ADRA1A: variants seen among roughly 807,000 people sequenced by gnomAD.
The protein encoded by ADRA1A is adrenoceptor alpha 1A.
A neutral mutation model predicts 29.6 loss-of-function variants in ADRA1A; 31 were observed. That is an observed-to-expected ratio of 1.05 (90% CI 0.79 to 1.41). ADRA1A has a LOEUF of 1.41. ADRA1A is among the 40% of genes most tolerant of loss of function. ADRA1A has a pLI of 0.00. For synonymous variants in ADRA1A, 311 were observed against 254.3 expected (o/e 1.22, Z -2.12); for missense variants, 619 against 601.1 (o/e 1.03, Z -0.31).
At chr8:26,801,322 G>A (rs1202344652) in intron 2 of ADRA1A, among the ~76,000 whole-genome samples, 2 of 152,038 alleles carry the variant, frequency 1.3e-5, no homozygotes, top group Non-Finnish European at 2.9e-5. Flanking sequence ...AAATTGGAAA[G>A]GAAGAAGTCA....
At chr8:26,828,132 G>C (rs942815443) in intron 2 of ADRA1A, among the ~76,000 whole-genome samples, 1 of 152,202 alleles carries the variant, frequency 6.6e-6, no homozygotes, top group African/African-American at 2.4e-5. Flanking sequence ...GAGCTCAAGC[G>C]ATCTACCTAC....
Position 26,775,006 on chromosome 8 carries a change from A to G in ADRA1A, c.884-4340T>C, listed in dbSNP as rs945959877. ...CTGGCCTCCAGCCATCAGGACCTAG[A>G]GGGTCAGGGCTGAACCAGCCTGGTT... On this transcript the variant is annotated intron_variant, in intron 2 of 2. Coordinates refer to ENST00000380573, the MANE Select transcript of ADRA1A (RefSeq NM_000680.4). The surrounding 1 kb of genome is among the most constrained non-coding windows in gnomAD (Gnocchi z 4.1). 3.3e-5 allele frequency among the ~76,000 whole-genome samples: 5 copies of G among 152,184 alleles called. No individual in the cohort carries two copies. The highest frequency in any genetic ancestry group is 2.0e-4 in the Admixed American group (3 of 15,272).
intron 2 of ADRA1A, among the ~76,000 whole-genome samples, chr8:26,858,875 T>C (rs1813235206): frequency 6.6e-6 from 1 of 152,164 alleles, no homozygotes; most frequent in South Asian, 2.1e-4. Context: ...ATTAGCAAGA[T>C]TTAGACTTGG....
At chr8:26,856,227 G>A (rs910760998) in intron 2 of ADRA1A, among the ~76,000 whole-genome samples, 1 of 152,206 alleles carries the variant, frequency 6.6e-6, no homozygotes, top group African/African-American at 2.4e-5. Flanking sequence ...GACAAAAGAG[G>A]CATTCCAGAA....
downstream of ADRA1A, among the ~76,000 whole-genome samples, chr8:26,766,662 G>C (rs1044844288): frequency 6.6e-6 from 1 of 152,154 alleles, no homozygotes; most frequent in Non-Finnish European, 1.5e-5. Flanking sequence ...CTTGAGGAAG[G>C]GGGGCTATGG....
intron 2 of ADRA1A, among the ~76,000 whole-genome samples, chr8:26,818,725 G>A (rs1190961755): frequency 6.6e-6 from 1 of 152,016 alleles, no homozygotes; most frequent in Non-Finnish European, 1.5e-5. Context: ...CAGCAGACTT[G>A]ATCAAGGAGA....
intron 2 of ADRA1A, among the ~76,000 whole-genome samples, chr8:26,792,450 T>G (rs1807903302): frequency 6.6e-6 from 1 of 151,922 alleles, no homozygotes; most frequent in African/African-American, 2.4e-5. Flanking sequence ...TTGATAGATG[T>G]AGAAAGACAT....
At chr8:26,850,052 A>C (rs370330911) in intron 2 of ADRA1A, among the ~76,000 whole-genome samples, 2 of 73,828 alleles carry the variant, frequency 2.7e-5, no homozygotes, top group African/African-American at 1.6e-4. Context: ...AAACAAAAAA[A>C]AAACAGGGCA....
downstream of ADRA1A, among the ~76,000 whole-genome samples, chr8:26,752,041 A>T (rs892206340): frequency 7.2e-5 from 11 of 152,104 alleles, no homozygotes; most frequent in African/African-American, 2.4e-4. Flanking sequence ...CACCACAAAA[A>T]TTGACAAAAT....
At chr8:26,790,956 T>C (rs1305129294) in intron 2 of ADRA1A, among the ~76,000 whole-genome samples, 1 of 152,122 alleles carries the variant, frequency 6.6e-6, no homozygotes, top group Non-Finnish European at 1.5e-5. Flanking sequence ...CCACAATTGG[T>C]ATGCCTCCCA....
intron 2 of ADRA1A, among the ~76,000 whole-genome samples, chr8:26,749,654 T>C (rs781750597): frequency 6.6e-6 from 1 of 152,204 alleles, no homozygotes; most frequent in African/African-American, 2.4e-5. Flanking sequence ...AGGAAGACTG[T>C]CTGCTTTTCT....
intron 2 of ADRA1A, among the ~76,000 whole-genome samples, chr8:26,785,757 G>A (rs1254128116): frequency 3.9e-5 from 6 of 152,154 alleles, no homozygotes; most frequent in Non-Finnish European, 2.9e-5. Flanking sequence ...CAGGGTTAAT[G>A]TGTTCAAAAT....
chr8:26,752,752 T>C (rs138125935), downstream of ADRA1A, among the ~76,000 whole-genome samples: 810 of 152,334 alleles, frequency 5.3e-3, 9 homozygotes, highest in African/African-American at 0.018. Flanking sequence ...ATGCTCAGCT[T>C]TGTGGATAGT....
chr8:26,779,432 T>C (rs1563246225), intron 2 of ADRA1A: 1 of 702,158 alleles, frequency 1.4e-6, no homozygotes, highest in Non-Finnish European at 2.6e-6. Context: ...TTTCCTCATC[T>C]GTAAAAGTAA....
At chr8:26,861,428 A>G (rs1813458015) in intron 2 of ADRA1A, among the ~76,000 whole-genome samples, 1 of 150,168 alleles carries the variant, frequency 6.7e-6, no homozygotes, top group Non-Finnish European at 1.5e-5. Context: ...CAGCCTCCCA[A>G]ATAGCTGGGA....
At chr8:26,780,957 T>C (rs60421462) in intron 2 of ADRA1A, among the ~76,000 whole-genome samples, 14,176 of 152,200 alleles carry the variant, frequency 0.093, 976 homozygotes, top group East Asian at 0.33. Flanking sequence ...GATTCTACAT[T>C]ATGGTGAGTT....
At chr8:26,818,287 A>C (rs1054038528) in intron 2 of ADRA1A, among the ~76,000 whole-genome samples, 2 of 152,214 alleles carry the variant, frequency 1.3e-5, no homozygotes, top group African/African-American at 2.4e-5. Flanking sequence ...AGAACTGGAC[A>C]CTACAAAGAT....
chr8:26,784,752 G>C (rs2130378261), intron 2 of ADRA1A, among the ~76,000 whole-genome samples: 1 of 152,224 alleles, frequency 6.6e-6, no homozygotes, highest in Middle Eastern at 3.4e-3. Context: ...TTTTCATAAG[G>C]CTTATACTAT....
chr8:26,819,827 A>G (rs1364951576), intron 2 of ADRA1A, among the ~76,000 whole-genome samples: 2 of 152,188 alleles, frequency 1.3e-5, no homozygotes, highest in East Asian at 3.8e-4. Flanking sequence ...GAATGGGTTT[A>G]AAAAACAAGA....
Sources: allele counts gnomAD v4.1 joint callset (sites outside exome capture counted in the v4.1 genomes callset), GRCh38; gene constraint gnomAD v4.1.1; non-coding constraint Gnocchi (gnomAD v3.1); transcripts MANE v1.5; gene names NCBI Gene and HGNC (gene_info 2026-07-23, HGNC 2026-07-21).